Variants in DLG2 observed in about 807,000 individuals in gnomAD.
DLG2 encodes the protein discs large MAGUK scaffold protein 2.
In DLG2, 45 loss-of-function variants were observed where a neutral mutation model predicts 132.5. The ratio of observed to expected loss-of-function variants is 0.34; its 90% CI spans 0.27 to 0.44. The LOEUF (loss-of-function observed/expected upper bound fraction) is 0.44. DLG2 is among the 20% of genes least tolerant of loss of function. The pLI is 1.00. For synonymous variants in DLG2, 424 were observed against 419.6 expected, an observed-to-expected ratio of 1.01 and a Z score of -0.13; for missense variants, 1,045 against 1,196.9, an observed-to-expected ratio of 0.87 and a Z score of 1.87.
At chr11:83,981,425 TA>T (rs957693978) in intron 11 of DLG2, among the ~76,000 whole-genome samples, 6 of 152,072 alleles carry the variant, frequency 3.9e-5, no homozygotes, top group African/African-American at 1.4e-4. Flanking sequence ...AAAAGAATGT[TA>T]AAAAATTAAT....
intron 15 of DLG2, among the ~76,000 whole-genome samples, chr11:83,902,448 C>CAAT (rs1245865474): frequency 3.9e-5 from 6 of 152,184 alleles, no homozygotes; most frequent in African/African-American, 1.4e-4. Context: ...CTCTTACTCA[C>CAAT]CAATCAGCCT....
intron 6 of DLG2, among the ~76,000 whole-genome samples, chr11:84,557,037 T>A (rs903872324): frequency 5.3e-5 from 8 of 152,232 alleles, no homozygotes; most frequent in African/African-American, 1.7e-4. Flanking sequence ...GAATTTTATC[T>A]GTATAATTCC....
chr11:84,059,344 A>G lies in DLG2; in HGVS notation c.890T>C (p.Val297Ala). ...AGGGCCTTTGAACAGTTTGATTTCCACAACGGTCTCCAAAATAGGTCGTCT... is the reference window on the plus strand; with the variant it reads ...AGGGCCTTTGAACAGTTTGATTTCCGCAACGGTCTCCAAAATAGGTCGTCT... ...RRRRPILETV[V>A]EIKLFKGPKG... The change falls in exon 11 of 28, where the codon GTG (valine) becomes GCG (alanine). Residue 297 changes from valine to alanine, a missense_variant. By Grantham distance (64) the Val-to-Ala change is moderately conservative (BLOSUM62 0). Coordinates refer to ENST00000376104, the MANE Select transcript of DLG2 (RefSeq NM_001142699.3). 1 of 1,613,792 alleles carries G rather than the reference A, an allele frequency of 6.2e-7. No individual in the cohort carries two copies. Among genetic ancestry groups the G allele is most frequent in the Non-Finnish European group, 8.5e-7 (1 of 1,179,864 alleles).
chr11:85,334,104 T>A (rs1201846250), intron 3 of DLG2, among the ~76,000 whole-genome samples: 2 of 152,192 alleles, frequency 1.3e-5, no homozygotes, highest in Non-Finnish European at 2.9e-5. Flanking sequence ...TGATTCAATG[T>A]CAGAATTCAT....
At chr11:84,897,232 CTCTTT>C (rs1330585024) in intron 6 of DLG2, among the ~76,000 whole-genome samples, 2 of 151,796 alleles carry the variant, frequency 1.3e-5, no homozygotes, top group Non-Finnish European at 2.9e-5. Flanking sequence ...ATATTGTCTT[CTCTTT>C]TGTCAATTCA....
At chr11:84,418,878 AT>A (rs2098938984) in intron 7 of DLG2, among the ~76,000 whole-genome samples, 1 of 151,990 alleles carries the variant, frequency 6.6e-6, no homozygotes, top group Non-Finnish European at 1.5e-5. Context: ...TAATCAGTTA[AT>A]TTTCCATATT....
At chr11:84,120,225 G>A (rs573532824) in intron 9 of DLG2, among the ~76,000 whole-genome samples, 14 of 152,092 alleles carry the variant, frequency 9.2e-5, no homozygotes, top group African/African-American at 3.4e-4. Context: ...CCTTGTCTCG[G>A]TATTTCACCA....
chr11:84,654,319 A>G (rs2099685596), intron 6 of DLG2, among the ~76,000 whole-genome samples: 2 of 152,156 alleles, frequency 1.3e-5, no homozygotes, highest in South Asian at 2.1e-4. Flanking sequence ...GGCAGGGGCT[A>G]TGGATAACTT....
At chr11:83,570,002 CT>C (rs1486996352) in intron 19 of DLG2, among the ~76,000 whole-genome samples, 1 of 152,214 alleles carries the variant, frequency 6.6e-6, no homozygotes, top group African/African-American at 2.4e-5. Context: ...ATGAGCTAAG[CT>C]TATCTGCCTT....
At position 84,228,243 on chromosome 11, in the gene DLG2, A is replaced by C. The variant is rs1294807195; in HGVS notation, c.573+22995T>G. Among the ~76,000 whole-genome samples, 4 of 152,134 alleles carry C rather than the reference A, an allele frequency of 2.6e-5. No homozygotes were observed. The East Asian group carries it at 7.7e-4, about 29-fold the overall frequency. On this transcript the variant is annotated intron_variant, in intron 8 of 27. Coordinates refer to ENST00000376104, the MANE Select transcript of DLG2 (RefSeq NM_001142699.3). ...TTCCCCTATTGCTTTTTTTGGTTAG[A>C]GTCAATCATGGCTGTTTTAACTGCA...
At chr11:83,721,413 C>T (rs879483391) in intron 18 of DLG2, among the ~76,000 whole-genome samples, 5 of 152,166 alleles carry the variant, frequency 3.3e-5, no homozygotes, top group Non-Finnish European at 4.4e-5. Context: ...AAGGCACAAA[C>T]CTGCTACTAG....
chr11:84,070,700 A>C (rs1212825796), intron 10 of DLG2, among the ~76,000 whole-genome samples: 6 of 152,242 alleles, frequency 3.9e-5, no homozygotes, highest in Non-Finnish European at 2.9e-5. Context: ...TGGGAAGAAC[A>C]CTGGGTTATA....
chr11:84,952,087 T>G (rs539519456), intron 6 of DLG2, among the ~76,000 whole-genome samples: 15 of 152,358 alleles, frequency 9.8e-5, no homozygotes, highest in Non-Finnish European at 1.6e-4. Context: ...AACAATTAAA[T>G]GCTTTTTCTT....
At chr11:84,737,600 A>G (rs2064023672) in intron 6 of DLG2, among the ~76,000 whole-genome samples, 2 of 151,970 alleles carry the variant, frequency 1.3e-5, no homozygotes, top group South Asian at 4.1e-4. Flanking sequence ...GGGATGTGAT[A>G]TTATATTGCA....
At chr11:84,928,980 GTGTATATATA>G (rs1271244079) in intron 6 of DLG2, among the ~76,000 whole-genome samples, 3,340 of 39,692 alleles carry the variant, frequency 0.084, 59 homozygotes, top group Non-Finnish European at 0.13. Context: ...GTGTGTGTGT[GTGTATATATA>G]TATATATATA....
chr11:84,219,881 C>G (rs1408596467), intron 8 of DLG2, among the ~76,000 whole-genome samples: 1 of 152,152 alleles, frequency 6.6e-6, no homozygotes, highest in Non-Finnish European at 1.5e-5. Flanking sequence ...TATACATGTA[C>G]TGTAACTTGG....
chr11:83,692,755 A>C (rs2081204663), intron 18 of DLG2, among the ~76,000 whole-genome samples: 1 of 152,192 alleles, frequency 6.6e-6, no homozygotes, highest in African/African-American at 2.4e-5. Flanking sequence ...TGGTTCACCA[A>C]ACTCATTTCC....
chr11:85,311,614 G>A (rs944423213), intron 3 of DLG2, among the ~76,000 whole-genome samples: 10 of 151,770 alleles, frequency 6.6e-5, no homozygotes, highest in African/African-American at 2.4e-4. Flanking sequence ...TCATTGAATA[G>A]CTCGAAATTC....
chr11:83,615,639 CTT>C (rs1347139273), intron 19 of DLG2, among the ~76,000 whole-genome samples: 7 of 152,164 alleles, frequency 4.6e-5, no homozygotes, highest in Non-Finnish European at 7.3e-5. Flanking sequence ...AGCAGAGTAT[CTT>C]TTGCAAGTGG....
Sources: gnomAD v4.1 joint callset for allele counts (sites outside exome capture counted in the v4.1 genomes callset) on GRCh38, gnomAD v4.1.1 for gene constraint, MANE v1.5 for transcripts, NCBI Gene and HGNC (gene_info 2026-07-23, HGNC 2026-07-21) for gene names.